Variants in SH3TC2 observed in about 807,000 individuals in gnomAD.
SH3TC2 encodes SH3 domain and tetratricopeptide repeat-containing protein 2.
Under a neutral mutation model 124.5 loss-of-function variants are expected in SH3TC2, and 87 were observed. The ratio of observed to expected loss-of-function variants is 0.70; its 90% confidence interval spans 0.59 to 0.84. SH3TC2 has a LOEUF of 0.84. Among genes scored for constraint, SH3TC2 ranks in the 40% least tolerant of loss-of-function variants. SH3TC2 has a pLI of 0.00. For synonymous variants in SH3TC2, 634 were observed against 628.5 expected (o/e 1.01, Z -0.13); for missense variants, 1,536 against 1,566.4 (o/e 0.98, Z 0.33).
intron 1 of SH3TC2, among the ~76,000 whole-genome samples, chr5:149,055,091 A>G (rs2127404180): frequency 6.6e-6 from 1 of 152,328 alleles, no homozygotes; most frequent in South Asian, 2.1e-4. Flanking sequence ...ATATAGAAGA[A>G]TATCTGCATG....
chr5:148,992,164 A>G lies in SH3TC2; in HGVS notation c.*12547T>C, dbSNP rs1753429248. Among the ~76,000 whole-genome samples the G allele has an allele frequency of 6.6e-6, 1 of 152,248 alleles. No homozygotes were observed. ...TTCATCCAACAGCCCTATGAAGTTG[A>G]TATCATTAATACTTCCATATTACAG... is the stretch of plus-strand genomic sequence containing the variant. On this transcript the variant is annotated 3_prime_UTR_variant, in exon 17 of 17. Coordinates refer to ENST00000515425, the MANE Select transcript of SH3TC2 (RefSeq NM_024577.4).
Position 149,003,921 on chromosome 5 carries a change from C to T in SH3TC2, c.*790G>A, listed in dbSNP as rs963514403. The T allele has an allele frequency of 1.3e-5, 4 of 309,058 alleles. No homozygotes were observed. Among genetic ancestry groups the T allele is most frequent in the Non-Finnish European group, 2.6e-5 (4 of 152,310 alleles). 19.1% of individuals were successfully genotyped at this position (309,058 alleles called of 1,614,324 possible). On this transcript the variant is annotated 3_prime_UTR_variant, in exon 17 of 17. Coordinates refer to ENST00000515425, the MANE Select transcript of SH3TC2 (RefSeq NM_024577.4). Reference sequence around the variant, plus strand: ...TCCATCAAGTCCTCCATCTCATCTGCCCCCATTGTGGATGAGACAAAATGT... The same window carrying T: ...TCCATCAAGTCCTCCATCTCATCTGTCCCCATTGTGGATGAGACAAAATGT...
rs1753392956 is a variant in SH3TC2, at chr5:148,989,786, C to T, written c.*14925G>A. On this transcript the variant is annotated 3_prime_UTR_variant, in exon 17 of 17. Coordinates refer to ENST00000515425, the MANE Select transcript of SH3TC2 (RefSeq NM_024577.4). ...AGTCACAGGGACCCAAGAGCTTCAA[C>T]AATCTGGTATTCAGAAGCAGCTGGA... 6.6e-6 allele frequency among the ~76,000 whole-genome samples: 1 copy of T among 152,126 alleles called. No homozygotes were observed. Among genetic ancestry groups the T allele is most frequent in the African/African-American group, 2.4e-5 (1 of 41,430 alleles).
chr5:149,010,491 T>A, intron 13 of SH3TC2, 99 bp from the exon 14 acceptor site: 1 of 1,533,822 alleles, frequency 6.5e-7, no homozygotes, highest in Middle Eastern at 2.3e-4. Flanking sequence ...AATCAACTAA[T>A]CCTCTGCTAA....
chr5:149,041,502 G>C lies in SH3TC2; in HGVS notation c.645C>G (p.Ser215=). ...LISVKMAEAG[S]ELEGVSLVTG... is the part of the protein sequence containing the mutation. The stretch of plus-strand genomic sequence containing the variant: ...TCACCAAAGACACGCCTTCCAACTC[G>C]GAGCCAGCTTCTGCCATCTTCACTG... The change falls in exon 6 of 17, where the codon TCC becomes TCG. Residue 215 remains serine, a synonymous_variant. Transcript: ENST00000515425. 6.2e-7 allele frequency: 1 copy of C among 1,614,162 alleles called. No homozygotes were observed.
In SH3TC2 at chr5:148,992,610, T is replaced by G. The variant is rs1753437918; in HGVS notation, c.*12101A>C. ...GAAGAGATTTCATTGGTTTTTTTTTTTTTTTTTTTTTTCAGATTTTCGAAG... is the reference window on the plus strand; with the variant it reads ...GAAGAGATTTCATTGGTTTTTTTTTGTTTTTTTTTTTTCAGATTTTCGAAG... On this transcript the variant is annotated 3_prime_UTR_variant, in exon 17 of 17. Coordinates refer to ENST00000515425, the MANE Select transcript of SH3TC2 (RefSeq NM_024577.4). Among the ~76,000 whole-genome samples, 1 of 150,546 alleles carries G rather than the reference T, an allele frequency of 6.6e-6. No homozygotes were observed. The highest frequency in any genetic ancestry group is 2.1e-4 in the South Asian group (1 of 4,690).
At chr5:149,020,331 C>T (rs920536724) in intron 12 of SH3TC2, among the ~76,000 whole-genome samples, 4 of 151,700 alleles carry the variant, frequency 2.6e-5, no homozygotes, top group African/African-American at 9.7e-5. Flanking sequence ...GAAAGAAATA[C>T]AGGACAAGAA....
At chr5:149,005,039 T>A in intron 16 of SH3TC2, 137 bp from the exon 17 acceptor site, 1 of 1,003,936 alleles carries the variant, frequency 1.0e-6, no homozygotes, top group Non-Finnish European at 1.5e-6. Context: ...CCAATCCCCA[T>A]CTCCTGAGTC....
chr5:148,994,556 T>C lies in SH3TC2; in HGVS notation c.*10155A>G, dbSNP rs920609377. ...ATGAGAGGTGTTGAATATTGGTTAG[T>C]TGGTTGTTTCATTGGTTGGGTATGT... On this transcript the variant is annotated 3_prime_UTR_variant, in exon 17 of 17. Transcript: ENST00000515425. Among the ~76,000 whole-genome samples, 1 of 152,048 alleles carries C rather than the reference T, an allele frequency of 6.6e-6. No individual in the cohort carries two copies. Among genetic ancestry groups the C allele is most frequent in the Non-Finnish European group, 1.5e-5 (1 of 67,998 alleles).
intron 12 of SH3TC2, among the ~76,000 whole-genome samples, chr5:149,017,882 C>A (rs1210959109): frequency 6.6e-6 from 1 of 152,226 alleles, no homozygotes; most frequent in Non-Finnish European, 1.5e-5. Flanking sequence ...CCAAATACAG[C>A]TTTCAATCTG....
chr5:149,062,581 G>A (rs1754771728), intron 1 of SH3TC2, among the ~76,000 whole-genome samples: 1 of 152,186 alleles, frequency 6.6e-6, no homozygotes, highest in African/African-American at 2.4e-5. Flanking sequence ...AGGCTTGAAT[G>A]ACTAAGGCCA....
chr5:149,054,533 T>C (rs1754610301), intron 1 of SH3TC2, among the ~76,000 whole-genome samples: 1 of 151,530 alleles, frequency 6.6e-6, no homozygotes, highest in Non-Finnish European at 1.5e-5. Flanking sequence ...GACCGTAGAC[T>C]ACAGCAAACC....
rs1197585151 is a variant in SH3TC2 at position 148,998,823 on chromosome 5, C to T, written c.*5888G>A. Among the ~76,000 whole-genome samples the T allele has an allele frequency of 6.6e-6, 1 of 152,130 alleles. No homozygotes were observed. The highest frequency in any genetic ancestry group is 1.5e-5 in the Non-Finnish European group (1 of 68,030). On this transcript the variant is annotated 3_prime_UTR_variant, in exon 17 of 17. Transcript: ENST00000515425. ...TTCCAGCAGCCTCCATCCTCAAGTC[C>T]CCTGAGTTCTGGAATAATCAGACAG...
At chr5:149,046,869 A>G (rs1754472254) in intron 3 of SH3TC2, 1 of 152,250 alleles carries the variant, frequency 6.6e-6, no homozygotes, top group African/African-American at 2.4e-5. Flanking sequence ...GCTACTGTTT[A>G]TGGAACACAT....
In SH3TC2 at chr5:149,000,919, A is replaced by G. The variant is rs1753587107; in HGVS notation, c.*3792T>C. Among the ~76,000 whole-genome samples the G allele has an allele frequency of 6.6e-6, 1 of 152,240 alleles. No individual in the cohort carries two copies. On this transcript the variant is annotated 3_prime_UTR_variant, in exon 17 of 17. Coordinates refer to ENST00000515425, the MANE Select transcript of SH3TC2 (RefSeq NM_024577.4). ...CCTATTCATACAGTATAAAAATAGC[A>G]CTGCTGAAAAACCCAGAGGTGAGGT...
chr5:149,022,493 AG>A (rs1403008459), intron 12 of SH3TC2, among the ~76,000 whole-genome samples: 1 of 152,210 alleles, frequency 6.6e-6, no homozygotes, highest in Non-Finnish European at 1.5e-5. Context: ...GTTCCCCAAA[AG>A]TTTAAATATA....
chr5:148,991,875 T>G lies in SH3TC2; in HGVS notation c.*12836A>C, dbSNP rs1409616525. Among the ~76,000 whole-genome samples the G allele has an allele frequency of 1.3e-5, 2 of 152,200 alleles. No individual in the cohort carries two copies. Among genetic ancestry groups the G allele is most frequent in the African/African-American group, 2.4e-5 (1 of 41,460 alleles). On this transcript the variant is annotated 3_prime_UTR_variant, in exon 17 of 17. Transcript: ENST00000515425. ...TTATCCATGGAGGTGAGCCTCCTCT[T>G]GCACTGGAAGCTGGTATGCTGATGA...
chr5:149,008,095 C>T (rs572644931), intron 15 of SH3TC2: 1 of 152,822 alleles, frequency 6.5e-6, no homozygotes, highest in East Asian at 1.9e-4. Flanking sequence ...TGCAATTAGA[C>T]AAAATAAAGT....
intron 12 of SH3TC2, among the ~76,000 whole-genome samples, chr5:149,023,640 G>A (rs186638313): frequency 7.2e-6 from 1 of 139,828 alleles, no homozygotes; most frequent in Non-Finnish European, 1.5e-5. Flanking sequence ...CTGGAGTGCT[G>A]TGGTGTGACC....
Sources: allele counts gnomAD v4.1 joint callset (sites outside exome capture counted in the v4.1 genomes callset), GRCh38; gene constraint gnomAD v4.1.1; transcripts MANE v1.5; gene names NCBI Gene and HGNC (gene_info 2026-07-23, HGNC 2026-07-21).